The following PIK3R3 variants were observed in gnomAD, a reference collection of about 807,000 sequenced individuals.
PIK3R3 encodes phosphatidylinositol 3-kinase regulatory subunit gamma.
PIK3R3 carries 64 observed loss-of-function variants against 62.9 expected under a neutral mutation model. The observed-to-expected ratio is 1.02, with a 90% CI of 0.83 to 1.25. PIK3R3 has a LOEUF of 1.25. Among genes scored for constraint, PIK3R3 ranks in the 50% most tolerant of loss-of-function variants. The pLI, the probability that PIK3R3 is intolerant of heterozygous loss-of-function variation, is 0.00. For synonymous variants in PIK3R3, 165 were observed against 189.0 expected (o/e 0.87, Z 1.04); for missense variants, 614 against 561.6 (o/e 1.09, Z -0.94).
chr1:46,127,152 T>G (rs910403436), intron 1 of PIK3R3, among the ~76,000 whole-genome samples: 2 of 151,890 alleles, frequency 1.3e-5, no homozygotes, highest in African/African-American at 4.8e-5. Flanking sequence ...CTAGGCAACA[T>G]GGCAAAACCC....
intron 1 of PIK3R3, among the ~76,000 whole-genome samples, chr1:46,103,497 G>A (rs1323002010): frequency 6.6e-6 from 1 of 152,036 alleles, no homozygotes; most frequent in Non-Finnish European, 1.5e-5. Flanking sequence ...TTGAACCCGG[G>A]AGGTGGAGGT....
the PIK3R3 span, among the ~76,000 whole-genome samples, chr1:46,138,169 A>G: frequency 6.6e-6 from 1 of 152,220 alleles, no homozygotes; most frequent in Non-Finnish European, 1.5e-5. Context: ...ATAACACCAT[A>G]TAGGGCTTTA....
At chr1:46,061,033 G>A (rs1009978351) in intron 6 of PIK3R3, among the ~76,000 whole-genome samples, 4 of 152,002 alleles carry the variant, frequency 2.6e-5, no homozygotes, top group African/African-American at 9.7e-5. Context: ...TTCATTCTTA[G>A]CATCTACCAT....
At chr1:46,054,979 T>C (rs1309791325) in intron 7 of PIK3R3, among the ~76,000 whole-genome samples, 2 of 152,126 alleles carry the variant, frequency 1.3e-5, no homozygotes, top group African/African-American at 4.8e-5. Flanking sequence ...CTCGGCTCAC[T>C]GCAACCTCTG....
chr1:46,063,855 A>C (rs927829232), intron 5 of PIK3R3, among the ~76,000 whole-genome samples: 9 of 152,174 alleles, frequency 5.9e-5, no homozygotes, highest in African/African-American at 1.2e-4. Flanking sequence ...TCTGGTAACA[A>C]CACTTTGAAA....
chr1:46,075,227 T>C (rs1287283729), intron 3 of PIK3R3, among the ~76,000 whole-genome samples: 2 of 152,184 alleles, frequency 1.3e-5, no homozygotes, highest in African/African-American at 4.8e-5. Flanking sequence ...CTCTGTACTA[T>C]TAGAAGTAGG....
chr1:46,045,617 C>CTT (rs1031388121), intron 9 of PIK3R3, among the ~76,000 whole-genome samples: 245 of 21,180 alleles, frequency 0.012, 62 homozygotes, highest in African/African-American at 0.028. Flanking sequence ...CAATTAAGTG[C>CTT]TTTTTTTTTT....
chr1:46,055,927 A>T lies in PIK3R3; in HGVS notation c.809T>A (p.Ile270Asn). 1 of 1,606,848 alleles carries T rather than the reference A, an allele frequency of 6.2e-7. No homozygotes were observed. Among genetic ancestry groups the T allele is most frequent in the Non-Finnish European group, 8.5e-7 (1 of 1,176,388 alleles). Reference sequence around the variant, plus strand: ...CTCTAGACGCATTTTGCTATCATGAATCTCACCCAGACGTGATTTCAATTT... The same window carrying T: ...CTCTAGACGCATTTTGCTATCATGATTCTCACCCAGACGTGATTTCAATTT... ...YDKLKSRLGE[I>N]HDSKMRLEQD... The change falls in exon 7 of 10, where the codon ATT (isoleucine) becomes AAT (asparagine). Residue 270 changes from isoleucine to asparagine, a missense_variant. By Grantham distance (149) the Ile-to-Asn change is moderately radical (BLOSUM62 -3). Coordinates refer to ENST00000262741, the MANE Select transcript of PIK3R3 (RefSeq NM_003629.4).
At chr1:46,105,923 A>G (rs2149448047) in intron 1 of PIK3R3, among the ~76,000 whole-genome samples, 1 of 152,328 alleles carries the variant, frequency 6.6e-6, no homozygotes, top group South Asian at 2.1e-4. Context: ...CCATTAAGAT[A>G]TGGCATAAAT....
intron 7 of PIK3R3, among the ~76,000 whole-genome samples, chr1:46,050,052 C>G (rs191979492): frequency 1.4e-5 from 2 of 144,410 alleles, no homozygotes; most frequent in Non-Finnish European, 3.0e-5. Flanking sequence ...ACCTGGGAGG[C>G]AGAGGTTGCA....
At chr1:46,049,703 G>C (rs954836479) in intron 7 of PIK3R3, among the ~76,000 whole-genome samples, 1 of 152,186 alleles carries the variant, frequency 6.6e-6, no homozygotes, top group Non-Finnish European at 1.5e-5. Flanking sequence ...CACTACTTCA[G>C]GATGACATTC....
rs561979397 is a variant in PIK3R3, at chr1:46,101,233, C to T, written c.107-20483G>A. The stretch of plus-strand genomic sequence containing the variant: ...CAAGTGCGCTGGGCGTGGTGGCTCA[C>T]GCCTGTAATCCCAGCACTTTGGGAG... On this transcript the variant is annotated intron_variant, in intron 1 of 9. Coordinates refer to ENST00000262741, the MANE Select transcript of PIK3R3 (RefSeq NM_003629.4). 1.5e-4 allele frequency among the ~76,000 whole-genome samples: 22 copies of T among 150,350 alleles called. 1 individual carries two copies. Among genetic ancestry groups the T allele is most frequent in the East Asian group, 3.9e-4 (2 of 5,064 alleles).
intron 7 of PIK3R3, 96 bp from the exon 8 acceptor site, chr1:46,046,721 C>T: frequency 1.3e-6 from 1 of 793,996 alleles, no homozygotes; most frequent in South Asian, 1.6e-5. Flanking sequence ...AGTCTAGACA[C>T]CTCTTGTTTT....
At chr1:46,163,647 A>G in the PIK3R3 span, among the ~76,000 whole-genome samples, 1 of 151,300 alleles carries the variant, frequency 6.6e-6, no homozygotes, top group African/African-American at 2.4e-5. Context: ...GATCCCTACT[A>G]CTCCCCAGAT....
chr1:46,120,539 T>TTCC (rs1475495834), intron 1 of PIK3R3, among the ~76,000 whole-genome samples: 14 of 152,284 alleles, frequency 9.2e-5, no homozygotes, highest in Admixed American at 7.2e-4. Context: ...TGCCACTGCA[T>TTCC]TCCAGCCTGG....
intron 1 of PIK3R3, among the ~76,000 whole-genome samples, chr1:46,119,240 G>C (rs1411287808): frequency 1.3e-5 from 2 of 152,162 alleles, no homozygotes; most frequent in African/African-American, 4.8e-5. Flanking sequence ...ACTACACTTA[G>C]AATAGTGCCT....
At chr1:46,078,539 C>A (rs1650282446) in intron 2 of PIK3R3, among the ~76,000 whole-genome samples, 1 of 151,878 alleles carries the variant, frequency 6.6e-6, no homozygotes, top group Non-Finnish European at 1.5e-5. Flanking sequence ...GAGACTCTAT[C>A]TCAAAAAAAA....
At chr1:46,090,435 G>A (rs547956268) in intron 1 of PIK3R3, among the ~76,000 whole-genome samples, 4 of 152,030 alleles carry the variant, frequency 2.6e-5, no homozygotes, top group Admixed American at 1.3e-4. Context: ...AGGTTCAGGC[G>A]ATTCTCCTCC....
At chr1:46,085,152 A>C (rs967316951) in intron 1 of PIK3R3, among the ~76,000 whole-genome samples, 2 of 152,228 alleles carry the variant, frequency 1.3e-5, no homozygotes, top group African/African-American at 4.8e-5. Context: ...ATGTAAGAAG[A>C]ATGAAATTAT....
Sources: allele counts gnomAD v4.1 joint callset (sites outside exome capture counted in the v4.1 genomes callset), GRCh38; gene constraint gnomAD v4.1.1; transcripts MANE v1.5; gene names NCBI Gene and HGNC (gene_info 2026-07-23, HGNC 2026-07-21).